NR6A1: variants seen among roughly 807,000 people sequenced by gnomAD.
NR6A1 encodes the protein retinoic acid receptor-related testis-associated receptor.
NR6A1 carries 7 observed loss-of-function variants against 59.1 expected under a neutral mutation model. The ratio of observed to expected loss-of-function variants is 0.12; its 90% CI spans 0.07 to 0.22. The LOEUF is 0.22. NR6A1 is among the 10% of genes least tolerant of loss of function. The pLI is 1.00. For missense variants in NR6A1, 468 were observed against 611.6 expected (o/e 0.77, Z 2.48); for synonymous variants, 243 against 236.1 (o/e 1.03, Z -0.27).
chr9:124,539,964 G>A (rs914223354), intron 5 of NR6A1, 69 bp downstream of exon 5: 1 of 1,518,266 alleles, frequency 6.6e-7, no homozygotes, highest in Admixed American at 2.0e-5. Flanking sequence ...CTCAGCCAGA[G>A]GTTTTCTGTA....
intron 2 of NR6A1, among the ~76,000 whole-genome samples, chr9:124,681,451 C>G (rs1217565205): frequency 6.6e-6 from 1 of 150,440 alleles, no homozygotes; most frequent in Non-Finnish European, 1.5e-5. Context: ...AGGCGATTCT[C>G]CTGCTTCAGC....
chr9:124,712,128 GT>G (rs1426736916), intron 2 of NR6A1, among the ~76,000 whole-genome samples: 1 of 152,116 alleles, frequency 6.6e-6, no homozygotes, highest in Non-Finnish European at 1.5e-5. Flanking sequence ...ATTAACACAG[GT>G]TCTCACCTCT....
At chr9:124,684,508 G>A (rs1838268002) in intron 2 of NR6A1, among the ~76,000 whole-genome samples, 1 of 152,186 alleles carries the variant, frequency 6.6e-6, no homozygotes, top group South Asian at 2.1e-4. Flanking sequence ...GGCAGCAGCT[G>A]ACACCAACTC....
chr9:124,743,454 A>T (rs1236579412), intron 1 of NR6A1, among the ~76,000 whole-genome samples: 1 of 152,222 alleles, frequency 6.6e-6, no homozygotes, highest in African/African-American at 2.4e-5. Flanking sequence ...TTCCTAATGT[A>T]ATTTTCTTAA....
At chr9:124,642,010 A>G (rs1200797669) in intron 2 of NR6A1, among the ~76,000 whole-genome samples, 3 of 152,032 alleles carry the variant, frequency 2.0e-5, no homozygotes, top group African/African-American at 7.2e-5. Context: ...ACTTGGCTCT[A>G]TCACTACCAC....
chr9:124,531,966 A>G (rs556272034), intron 7 of NR6A1, among the ~76,000 whole-genome samples: 5 of 152,270 alleles, frequency 3.3e-5, no homozygotes, highest in African/African-American at 7.2e-5. Context: ...GTCCACGCCA[A>G]TCCATCCTGA....
intron 1 of NR6A1, among the ~76,000 whole-genome samples, chr9:124,745,411 C>T (rs569485423): frequency 2.0e-4 from 31 of 152,324 alleles, no homozygotes; most frequent in African/African-American, 7.5e-4. Context: ...GCGGCTCACG[C>T]CTGTAATCCC....
At chr9:124,758,014 T>A (rs1277830137) in intron 1 of NR6A1, among the ~76,000 whole-genome samples, 1 of 152,246 alleles carries the variant, frequency 6.6e-6, no homozygotes, top group Non-Finnish European at 1.5e-5. Flanking sequence ...CTCCAAATGT[T>A]AAATGCACTT....
In NR6A1 at chr9:124,669,801, T is replaced by C. The variant is rs550689869; in HGVS notation, c.142+63507A>G. Reference sequence around the variant, plus strand: ...TAGTAGAGATGGGGTTTCACTATGTTGACCAGGCTAGTCTTGAACTCCTGA... The same window carrying C: ...TAGTAGAGATGGGGTTTCACTATGTCGACCAGGCTAGTCTTGAACTCCTGA... On this transcript the variant is annotated intron_variant, in intron 2 of 9. Coordinates refer to ENST00000487099, the MANE Select transcript of NR6A1 (RefSeq NM_033334.4). 1.1e-3 allele frequency among the ~76,000 whole-genome samples: 169 copies of C among 152,308 alleles called. 1 individual carries two copies. In the Middle Eastern group the frequency reaches 0.014, roughly 12 times the overall value.
At chr9:124,735,059 G>T (rs1839985648) in intron 1 of NR6A1, among the ~76,000 whole-genome samples, 1 of 152,158 alleles carries the variant, frequency 6.6e-6, no homozygotes, top group African/African-American at 2.4e-5. Flanking sequence ...GGCCAGGCTG[G>T]TCTCAAACTC....
intron 2 of NR6A1, among the ~76,000 whole-genome samples, chr9:124,630,772 G>A (rs779309423): frequency 6.0e-5 from 8 of 134,204 alleles, no homozygotes; most frequent in South Asian, 4.9e-4. Context: ...TCTGCTTCCC[G>A]GGTTCAAGCG....
At chr9:124,660,918 A>G (rs1331714478) in intron 2 of NR6A1, among the ~76,000 whole-genome samples, 1 of 152,218 alleles carries the variant, frequency 6.6e-6, no homozygotes, top group African/African-American at 2.4e-5. Flanking sequence ...AAATACGCTT[A>G]GTAACACAAG....
At chr9:124,615,932 G>T (rs1054262547) in intron 2 of NR6A1, among the ~76,000 whole-genome samples, 2 of 151,910 alleles carry the variant, frequency 1.3e-5, no homozygotes, top group Non-Finnish European at 2.9e-5. Context: ...TGACCATGTT[G>T]GTCAGGCTGG....
chr9:124,742,992 G>A (rs551116926), intron 1 of NR6A1, among the ~76,000 whole-genome samples: 12 of 152,286 alleles, frequency 7.9e-5, no homozygotes, highest in South Asian at 4.1e-4. Flanking sequence ...CTTTGGGGGG[G>A]CCCTTCCTCC....
intron 1 of NR6A1, among the ~76,000 whole-genome samples, chr9:124,748,519 T>C (rs1044316462): frequency 6.6e-6 from 1 of 152,270 alleles, no homozygotes; most frequent in Non-Finnish European, 1.5e-5. Flanking sequence ...ATTTAAACAC[T>C]AATTGTGGTC....
At chr9:124,636,548 A>T (rs1056789733) in intron 2 of NR6A1, among the ~76,000 whole-genome samples, 1 of 152,096 alleles carries the variant, frequency 6.6e-6, no homozygotes, top group African/African-American at 2.4e-5. Context: ...ATAGTTTTTC[A>T]TTTCACATTT....
chr9:124,645,701 G>A (rs1280248584), intron 2 of NR6A1, among the ~76,000 whole-genome samples: 6 of 152,094 alleles, frequency 3.9e-5, no homozygotes, highest in African/African-American at 1.4e-4. Context: ...TATCAAAAAT[G>A]GACAGATCCA....
At chr9:124,613,427 G>A (rs900456630) in intron 2 of NR6A1, among the ~76,000 whole-genome samples, 1 of 152,072 alleles carries the variant, frequency 6.6e-6, no homozygotes, top group Non-Finnish European at 1.5e-5. Context: ...TGGGCAGATT[G>A]CTTGAGCCCA....
At chr9:124,691,722 T>C (rs1244788238) in intron 2 of NR6A1, among the ~76,000 whole-genome samples, 1 of 152,220 alleles carries the variant, frequency 6.6e-6, no homozygotes, top group African/African-American at 2.4e-5. Flanking sequence ...TTTTTCAATA[T>C]GGAAAATAGC....
Sources: allele counts gnomAD v4.1 joint callset (sites outside exome capture counted in the v4.1 genomes callset), GRCh38; gene constraint gnomAD v4.1.1; transcripts MANE v1.5; gene names NCBI Gene and HGNC (gene_info 2026-07-23, HGNC 2026-07-21).